NAV3: variants seen among roughly 807,000 people sequenced by gnomAD.
The protein encoded by NAV3 is neuron navigator 3, also known as pore membrane and/or filament interacting like protein 1.
In NAV3, 87 loss-of-function variants were observed where a neutral mutation model predicts 244.7. The observed-to-expected ratio is 0.36, with a 90% CI of 0.30 to 0.42. The LOEUF is 0.42. Among genes scored for constraint, NAV3 ranks in the 20% least tolerant of loss-of-function variants. The pLI, the probability that NAV3 is intolerant of heterozygous loss-of-function variation, is 1.00. For missense variants in NAV3, 2,663 were observed against 2,893.3 expected (o/e 0.92, Z 1.83); for synonymous variants, 1,126 against 1,042.2 (o/e 1.08, Z -1.55).
intron 9 of NAV3, among the ~76,000 whole-genome samples, chr12:78,032,082 ATGTC>A (rs1171854746): frequency 6.6e-6 from 1 of 152,068 alleles, no homozygotes; most frequent in Non-Finnish European, 1.5e-5. Context: ...TGAAAAATCC[ATGTC>A]TGAAACTATT....
intron 2 of NAV3, among the ~76,000 whole-genome samples, chr12:77,754,891 G>A (rs1157142203): frequency 1.3e-5 from 2 of 151,990 alleles, no homozygotes; most frequent in Admixed American, 6.6e-5. Context: ...CTAAAACCAA[G>A]GACATAGTCA....
intron 2 of NAV3, among the ~76,000 whole-genome samples, chr12:77,673,344 A>G (rs1036241049): frequency 6.6e-6 from 1 of 152,162 alleles, no homozygotes; most frequent in Non-Finnish European, 1.5e-5. Context: ...ATTAATGAAC[A>G]TAATAGCAAT....
chr12:77,961,015 A>G lies in NAV3; in HGVS notation c.415-5214A>G, dbSNP rs138090528. The stretch of plus-strand genomic sequence containing the variant: ...TGTATACGCATATATGTATATATGT[A>G]TATGTTACATGTATACGCATATATG... On this transcript the variant is annotated intron_variant, in intron 3 of 39. Coordinates refer to ENST00000397909, the MANE Select transcript of NAV3 (RefSeq NM_001024383.2). Among the ~76,000 whole-genome samples, 996 of 146,270 alleles carry G rather than the reference A, an allele frequency of 6.8e-3. 14 individuals carry two copies. Among genetic ancestry groups the G allele is most frequent in the Middle Eastern group, 0.011 (1 of 90 alleles).
At chr12:78,158,802 G>T (rs1023094714) in intron 22 of NAV3, among the ~76,000 whole-genome samples, 1 of 152,156 alleles carries the variant, frequency 6.6e-6, no homozygotes, top group Non-Finnish European at 1.5e-5. Flanking sequence ...GTATAAAAAT[G>T]AGGAATATTT....
At chr12:78,060,365 G>A (rs1253922594) in intron 12 of NAV3, among the ~76,000 whole-genome samples, 7 of 152,102 alleles carry the variant, frequency 4.6e-5, no homozygotes, top group African/African-American at 1.7e-4. Context: ...CCCACAGGCT[G>A]TTGATATCCT....
Position 78,050,063 on chromosome 12 carries a change from G to A in NAV3, c.2094G>A (p.Glu698=), listed in dbSNP as rs763129012. 45 of 1,613,140 alleles carry A rather than the reference G, an allele frequency of 2.8e-5. No individual in the cohort carries two copies. In the South Asian group the frequency reaches 5.0e-4, roughly 18 times the overall value. Residue 698 remains glutamate, a synonymous_variant, in exon 10 of 40, where the codon GAG becomes GAA. Coordinates refer to ENST00000397909, the MANE Select transcript of NAV3 (RefSeq NM_001024383.2). The part of the protein sequence containing the change: ...NIADLRQNLE[E]TMSSLRGTQI... ...CAGACTTGAGGCAGAATTTAGAAGA[G>A]ACTATGTCCAGTCTTCGTGGGACTC...
At chr12:77,607,742 T>A (rs545581162) in intron 2 of NAV3, among the ~76,000 whole-genome samples, 1 of 152,238 alleles carries the variant, frequency 6.6e-6, no homozygotes, top group Admixed American at 6.6e-5. Flanking sequence ...ATTCTCCTCT[T>A]AATCCCAGAC....
chr12:77,997,229 C>T (rs1170502660), intron 6 of NAV3, among the ~76,000 whole-genome samples: 3 of 108,796 alleles, frequency 2.8e-5, no homozygotes, highest in African/African-American at 3.7e-5. Flanking sequence ...CAGAGTGACA[C>T]CCTGTCTCAA....
chr12:77,860,772 G>A (rs148678835), intron 1 of NAV3, among the ~76,000 whole-genome samples: 1 of 152,024 alleles, frequency 6.6e-6, no homozygotes, highest in East Asian at 1.9e-4. Context: ...GGGCAGGGTT[G>A]CTGGCAGTTT....
chr12:78,164,563 A>G (rs1957700642), intron 23 of NAV3, among the ~76,000 whole-genome samples: 1 of 152,128 alleles, frequency 6.6e-6, no homozygotes, highest in Non-Finnish European at 1.5e-5. Context: ...CTGGAGTCAG[A>G]TGATGCATCC....
At chr12:77,961,751 GGA>G (rs1039885129) in intron 3 of NAV3, among the ~76,000 whole-genome samples, 1 of 137,662 alleles carries the variant, frequency 7.3e-6, no homozygotes, top group African/African-American at 2.8e-5. Context: ...AGTAGACTGG[GGA>G]GAGAGTGTAG....
chr12:78,131,756 C>T (rs951209891), intron 18 of NAV3, among the ~76,000 whole-genome samples: 6 of 151,984 alleles, frequency 3.9e-5, no homozygotes, highest in Non-Finnish European at 7.4e-5. Context: ...TACATAATAC[C>T]TAGGTTATAT....
intron 2 of NAV3, among the ~76,000 whole-genome samples, chr12:77,670,759 A>G (rs1013665133): frequency 1.3e-5 from 2 of 152,320 alleles, no homozygotes; most frequent in Middle Eastern, 3.4e-3. Flanking sequence ...TAAAACCATC[A>G]GCAAAATTGG....
intron 9 of NAV3, chr12:78,036,842 G>A (rs1879965289): frequency 1.5e-6 from 1 of 661,308 alleles, no homozygotes; most frequent in Non-Finnish European, 2.7e-6. Context: ...CCAATTGAAA[G>A]GAAGGAGCCA....
intron 2 of NAV3, among the ~76,000 whole-genome samples, chr12:77,764,862 C>G (rs1345191501): frequency 6.6e-6 from 1 of 152,194 alleles, no homozygotes; most frequent in Non-Finnish European, 1.5e-5. Flanking sequence ...TGGAAACTAT[C>G]CCAGTTCGTG....
At chr12:77,795,958 T>C (rs1018581060) in intron 2 of NAV3, among the ~76,000 whole-genome samples, 1 of 152,188 alleles carries the variant, frequency 6.6e-6, no homozygotes, top group African/African-American at 2.4e-5. Context: ...ATCCACTCAG[T>C]AATTCCGCAG....
rs78599664 is a variant in NAV3 at position 77,851,605 on chromosome 12, G to T, written c.243+19901G>T. Among the ~76,000 whole-genome samples, 104 of 152,102 alleles carry T rather than the reference G, an allele frequency of 6.8e-4. No individual in the cohort carries two copies. In the Middle Eastern group the frequency reaches 0.021, roughly 30 times the overall value. On this transcript the variant is annotated intron_variant, in intron 1 of 39. Coordinates refer to ENST00000397909, the MANE Select transcript of NAV3 (RefSeq NM_001024383.2). ...CTGTCTTCTTGTAATAATGATTGTCGTTATTTTAATGATTAGGGAAACTTT... is the reference window on the plus strand; with the variant it reads ...CTGTCTTCTTGTAATAATGATTGTCTTTATTTTAATGATTAGGGAAACTTT...
chr12:78,197,766 T>A (rs1959199850), intron 35 of NAV3, among the ~76,000 whole-genome samples: 1 of 152,046 alleles, frequency 6.6e-6, no homozygotes, highest in South Asian at 2.1e-4. Flanking sequence ...GGCACTCTTA[T>A]GGAAACATTA....
intron 1 of NAV3, among the ~76,000 whole-genome samples, chr12:77,900,468 T>C (rs376384473): frequency 3.3e-5 from 5 of 152,148 alleles, no homozygotes; most frequent in African/African-American, 1.2e-4. Flanking sequence ...TTAATTCACT[T>C]AGGATAATGG....
Sources: gnomAD v4.1 joint callset for allele counts (sites outside exome capture counted in the v4.1 genomes callset) on GRCh38, gnomAD v4.1.1 for gene constraint, MANE v1.5 for transcripts, NCBI Gene and HGNC (gene_info 2026-07-23, HGNC 2026-07-21) for gene names.